Variants in ZNF557 observed in about 807,000 individuals in gnomAD.
The protein encoded by ZNF557 is CTB-25J19.9.
Under a neutral mutation model 21.2 loss-of-function variants are expected in ZNF557, and 19 were observed. That is an observed-to-expected ratio of 0.90 (90% CI 0.63 to 1.32). The LOEUF is 1.32. ZNF557 is among the 40% of genes most tolerant of loss of function. ZNF557 has a pLI of 0.00. For missense variants in ZNF557, 487 were observed against 519.8 expected, an observed-to-expected ratio of 0.94 and a Z score of 0.61; for synonymous variants, 207 against 194.8, an observed-to-expected ratio of 1.06 and a Z score of -0.52.
intron 7 of ZNF557, among the ~76,000 whole-genome samples, chr19:7,082,437 A>AAG: frequency 6.6e-6 from 1 of 151,804 alleles, no homozygotes; most frequent in South Asian, 2.1e-4. Context: ...AAAAAAAAAA[A>AAG]AAAGTGGCTT....
Position 7,085,404 on chromosome 19 carries a change from TCCACCTGCCTCAGCCTC to T in ZNF557, c.*1664_*1680del, listed in dbSNP as rs1254191773. 1 of 152,140 alleles carries T rather than the reference TCCACCTGCCTCAGCCTC, an allele frequency of 6.6e-6. No individual in the cohort carries two copies. The allele number at this position is 152,140 out of a possible 1,614,324, so 9.4% of individuals were successfully genotyped here. A position where few individuals can be genotyped will look rare whatever the true frequency, so the allele number is the denominator to read the frequency against. On this transcript the variant is annotated 3_prime_UTR_variant, in exon 8 of 8. Coordinates refer to ENST00000252840, the MANE Select transcript of ZNF557 (RefSeq NM_024341.3). ...CTCTCAAACTCCTGGGCTCAAGTGA[TCCACCTGCCTCAGCCTC>T]CCAAAATGCTGGGAATACAGGAACG...
At chr19:7,073,953 A>G (rs930450063) in intron 2 of ZNF557, among the ~76,000 whole-genome samples, 4 of 150,854 alleles carry the variant, frequency 2.7e-5, no homozygotes, top group Non-Finnish European at 5.9e-5. Context: ...AACTGCAGAC[A>G]GCGCCTGCCC....
chr19:7,081,598 G>A (rs1192595748), intron 6 of ZNF557, 143 bp downstream of exon 6: 22 of 636,544 alleles, frequency 3.5e-5, no homozygotes, highest in Non-Finnish European at 5.5e-5. Flanking sequence ...AGAACGTTTG[G>A]TCTGAGCCCC....
chr19:7,086,705 G>A lies in ZNF557; in HGVS notation c.*2961G>A, dbSNP rs1281014175. 6.7e-6 allele frequency: 1 copy of A among 149,964 alleles called. No individual in the cohort carries two copies. The highest frequency in any genetic ancestry group is 6.7e-5 in the Admixed American group (1 of 14,888). The allele number at this position is 149,964 out of a possible 1,614,324, so 9.3% of individuals were successfully genotyped here. ...TTCATTCTCCCTACTTAAAGAAAAAGATAAGTTGTCAATGAGCAGTATTGA... is the reference window on the plus strand; with the variant it reads ...TTCATTCTCCCTACTTAAAGAAAAAAATAAGTTGTCAATGAGCAGTATTGA... On this transcript the variant is annotated 3_prime_UTR_variant, in exon 8 of 8. Transcript: ENST00000252840.
intron 7 of ZNF557, 92 bp from the exon 8 acceptor site, chr19:7,082,786 A>C (rs750879644): frequency 3.8e-6 from 5 of 1,328,110 alleles, no homozygotes; most frequent in Non-Finnish European, 5.1e-6. Flanking sequence ...ACTATGATAC[A>C]CAACAGAATT....
chr19:7,083,708 T>C lies in ZNF557; in HGVS notation c.1257T>C (p.Leu419=), dbSNP rs374419022. 141 of 1,612,966 alleles carry C rather than the reference T, an allele frequency of 8.7e-5. No homozygotes were observed. The highest frequency in any genetic ancestry group is 1.0e-4 in the Non-Finnish European group (123 of 1,179,494). ...CGKSFTSNSY[L]SVHTRMHNRQ... is the part of the protein sequence containing the mutation. The stretch of plus-strand genomic sequence containing the variant: ...AATCCTTCACAAGTAACTCCTACCT[T>C]TCTGTGCATACGAGAATGCATAATA... The change falls in exon 8 of 8, where the codon CTT becomes CTC. Residue 419 remains leucine, a synonymous_variant. Transcript: ENST00000252840.
rs1054953774 is a variant in ZNF557 at position 7,087,770 on chromosome 19, T to A, written c.*4026T>A. ...AGCTTCCAGGTGAATGCATTATCTG[T>A]TAATCCTGTTTATTGATCTGTTTTT... On this transcript the variant is annotated 3_prime_UTR_variant, in exon 8 of 8. Transcript: ENST00000252840. The A allele has an allele frequency of 3.9e-5, 6 of 152,048 alleles. No homozygotes were observed. The highest frequency in any genetic ancestry group is 1.4e-4 in the African/African-American group (6 of 41,388). 9.4% of individuals were successfully genotyped at this position (152,048 alleles called of 1,614,324 possible).
intron 7 of ZNF557, among the ~76,000 whole-genome samples, chr19:7,082,413 C>T (rs1294233308): frequency 1.1e-5 from 1 of 92,712 alleles, no homozygotes; most frequent in Non-Finnish European, 2.0e-5. Context: ...CAGAGCAAGA[C>T]TCTGTCTCAA....
In ZNF557 at chr19:7,072,866, C is replaced by T. The variant is rs529386311; in HGVS notation, c.-79-2130C>T. ...AGATGACAGGGATCTTCCTCCCCTC[C>T]ATCTCCAGCACCCAGCTGGGGGCAG... On this transcript the variant is annotated intron_variant, in intron 2 of 7. Transcript: ENST00000252840. Among the ~76,000 whole-genome samples, 84 of 152,246 alleles carry T rather than the reference C, an allele frequency of 5.5e-4. 2 individuals carry two copies. In the South Asian group the frequency reaches 0.017, roughly 30 times the overall value.
intron 2 of ZNF557, among the ~76,000 whole-genome samples, chr19:7,074,662 T>C (rs1341927049): frequency 6.9e-6 from 1 of 145,630 alleles, no homozygotes; most frequent in Admixed American, 6.9e-5. Context: ...AAATGAGGGG[T>C]AGTGACATCT....
intron 2 of ZNF557, among the ~76,000 whole-genome samples, chr19:7,074,329 T>TGCAC (rs1555729369): frequency 6.8e-6 from 1 of 147,076 alleles, no homozygotes; most frequent in Middle Eastern, 3.2e-3. Context: ...TTTGTGTGTA[T>TGCAC]ATACACACAC....
intron 5 of ZNF557, among the ~76,000 whole-genome samples, chr19:7,077,132 CT>C (rs4031071): frequency 3.2e-4 from 25 of 78,360 alleles, no homozygotes; most frequent in African/African-American, 8.4e-4. Flanking sequence ...TGTTTTCTTT[CT>C]TTTTTTTTTT....
At chr19:7,078,544 G>A (rs982473675) in intron 5 of ZNF557, among the ~76,000 whole-genome samples, 2 of 150,784 alleles carry the variant, frequency 1.3e-5, no homozygotes, top group Non-Finnish European at 2.9e-5. Context: ...AATTCTCCCT[G>A]CCTCAGCCTC....
chr19:7,081,499 GC>G, intron 6 of ZNF557, 44 bp downstream of exon 6: 1 of 1,320,604 alleles, frequency 7.6e-7, no homozygotes, highest in Non-Finnish European at 1.1e-6. Context: ...AACAGCTCTG[GC>G]CAGGGACTGA....
chr19:7,077,296 C>T (rs1195570042), intron 5 of ZNF557, among the ~76,000 whole-genome samples: 3 of 151,858 alleles, frequency 2.0e-5, no homozygotes, highest in African/African-American at 7.3e-5. Flanking sequence ...CCACCACACT[C>T]AGCAAATTTT....
intron 5 of ZNF557, among the ~76,000 whole-genome samples, chr19:7,081,023 TCTC>T (rs1977687081): frequency 6.6e-6 from 1 of 152,084 alleles, no homozygotes; most frequent in Admixed American, 6.5e-5. Flanking sequence ...GAAATGAAGA[TCTC>T]CTTCTTTCCC....
chr19:7,069,925 ACT>A (rs1977426572), intron 1 of ZNF557, among the ~76,000 whole-genome samples, 152 bp downstream of exon 1: 1 of 151,646 alleles, frequency 6.6e-6, no homozygotes, highest in Admixed American at 6.6e-5. Context: ...TGTCATCCTC[ACT>A]CTGTCGTCCT....
intron 5 of ZNF557, 113 bp from the exon 6 acceptor site, chr19:7,081,247 T>C: frequency 1.6e-6 from 1 of 634,708 alleles, no homozygotes; most frequent in Non-Finnish European, 2.8e-6. Context: ...GGCATAATTA[T>C]TTCTCTGCTC....
chr19:7,075,669 T>C lies in ZNF557; in HGVS notation c.46T>C (p.Phe16Leu). Residue 16 changes from phenylalanine (F) to leucine (L), a missense_variant, in exon 4 of 8, where the codon TTC (phenylalanine) becomes CTC (leucine). Coordinates refer to ENST00000252840, the MANE Select transcript of ZNF557 (RefSeq NM_024341.3). Reference sequence around the variant, plus strand: ...TCCTCCTCCAGCTCTGTCTTCCCTGTTCCCAGCCTCTCAGCGAGAAGGACA... The same window carrying C: ...TCCTCCTCCAGCTCTGTCTTCCCTGCTCCCAGCCTCTCAGCGAGAAGGACA... ...LPPTAALSSL[F>L]PASQREGHTE... 6.2e-7 allele frequency: 1 copy of C among 1,613,530 alleles called. No homozygotes were observed. The highest frequency in any genetic ancestry group is 8.5e-7 in the Non-Finnish European group (1 of 1,179,550).
Sources: allele counts gnomAD v4.1 joint callset (sites outside exome capture counted in the v4.1 genomes callset), GRCh38; gene constraint gnomAD v4.1.1; transcripts MANE v1.5; gene names NCBI Gene and HGNC (gene_info 2026-07-23, HGNC 2026-07-21).